The following GFM1 variants were observed in gnomAD, a reference collection of about 807,000 sequenced individuals.
GFM1 encodes G elongation factor mitochondrial 1.
Under a neutral mutation model 96.2 loss-of-function variants are expected in GFM1, and 62 were observed. The observed-to-expected ratio is 0.64, with a 90% confidence interval of 0.53 to 0.80. The LOEUF is 0.80. GFM1 is among the 30% of genes least tolerant of loss of function. The pLI, the probability that GFM1 is intolerant of heterozygous loss-of-function variation, is 0.00. For missense variants in GFM1, 852 were observed against 916.6 expected, an observed-to-expected ratio of 0.93 and a Z score of 0.91; for synonymous variants, 282 against 312.9, an observed-to-expected ratio of 0.90 and a Z score of 1.04.
chr3:158,670,624 A>T (rs1267791498), intron 13 of GFM1, among the ~76,000 whole-genome samples: 2 of 152,236 alleles, frequency 1.3e-5, no homozygotes, highest in East Asian at 1.9e-4. Flanking sequence ...ACAACTTTTT[A>T]AAAAGAGGTA....
At chr3:158,645,859 T>C (rs1371419340) in intron 2 of GFM1, 78 bp downstream of exon 2, 2 of 1,308,252 alleles carry the variant, frequency 1.5e-6, no homozygotes, top group Non-Finnish European at 2.2e-6. Flanking sequence ...ATAAAGCTTA[T>C]AAACCTGAAA....
chr3:158,660,708 G>T, intron 9 of GFM1, 166 bp from the exon 10 acceptor site: 1 of 645,910 alleles, frequency 1.5e-6, no homozygotes, highest in Non-Finnish European at 2.8e-6. Context: ...GTCTTAGCAT[G>T]GTTGATTATT....
chr3:158,687,973 T>C (rs773182199), intron 15 of GFM1, among the ~76,000 whole-genome samples: 1 of 152,122 alleles, frequency 6.6e-6, no homozygotes, highest in Non-Finnish European at 1.5e-5. Context: ...ATTAGAGTTT[T>C]ACAGTGAAAA....
Position 158,684,578 on chromosome 3 carries a change from C to G in GFM1, c.1819C>G (p.Leu607Val). Residue 607 changes from leucine (L) to valine (V), a missense_variant, in exon 15 of 18, where the codon CTC (leucine) becomes GTC (valine). Physicochemically the swap from Leu to Val is conservative, Grantham distance 32 (BLOSUM62 1). Transcript: ENST00000486715. ...TCTTTCTGGTCACAAGCTCTCTGGG[C>G]TCCGGTTTGTCCTGCAAGATGGAGC... ...GPLSGHKLSG[L>V]RFVLQDGAHH... 1.2e-6 allele frequency: 2 copies of G among 1,614,080 alleles called. No individual in the cohort carries two copies. Among genetic ancestry groups the G allele is most frequent in the Non-Finnish European group, 1.7e-6 (2 of 1,179,964 alleles).
At chr3:158,689,301 G>T (rs1271137087) in intron 15 of GFM1, among the ~76,000 whole-genome samples, 1 of 152,120 alleles carries the variant, frequency 6.6e-6, no homozygotes, top group African/African-American at 2.4e-5. Flanking sequence ...TTTTGTAGAT[G>T]AAAAAATTTG....
intron 13 of GFM1, among the ~76,000 whole-genome samples, chr3:158,676,971 A>T (rs1273484060): frequency 6.6e-6 from 1 of 152,190 alleles, no homozygotes; most frequent in East Asian, 1.9e-4. Context: ...AAGTGCTGGG[A>T]TTACAGGCAT....
intron 11 of GFM1, among the ~76,000 whole-genome samples, chr3:158,664,681 T>C (rs994015723): frequency 6.6e-6 from 1 of 152,232 alleles, no homozygotes; most frequent in Middle Eastern, 3.2e-3. Context: ...ACCTAGATAA[T>C]TGATAACAAT....
In GFM1 at chr3:158,693,129, T is replaced by A. The variant is rs1400434142; in HGVS notation, c.*1662T>A. ...ATGAGACCACAAAACCTAAGTTTTT[T>A]AATTGATACTTTAATTACAATTATT... On this transcript the variant is annotated 3_prime_UTR_variant, in exon 18 of 18. Coordinates refer to ENST00000486715, the MANE Select transcript of GFM1 (RefSeq NM_024996.7). The A allele has an allele frequency of 2.6e-5, 4 of 152,228 alleles. No homozygotes were observed. Among genetic ancestry groups the A allele is most frequent in the Admixed American group, 6.5e-5 (1 of 15,282 alleles). The allele number at this position is 152,228 out of a possible 1,614,324, so 9.4% of individuals were successfully genotyped here.
rs1379920295 is a variant in GFM1 at position 158,692,628 on chromosome 3, G to GA, written c.*1166dup. The stretch of plus-strand genomic sequence containing the variant: ...GCTTTATACTTTAAGGTTTCTAGGG[G>GA]AAAAAGATCTTTAAAAAGTATTGAG... On this transcript the variant is annotated 3_prime_UTR_variant, in exon 18 of 18. Coordinates refer to ENST00000486715, the MANE Select transcript of GFM1 (RefSeq NM_024996.7). 2.6e-5 allele frequency: 4 copies of GA among 151,816 alleles called. No individual in the cohort carries two copies. Among genetic ancestry groups the GA allele is most frequent in the African/African-American group, 9.7e-5 (4 of 41,360 alleles). The allele number at this position is 151,816 out of a possible 1,614,324, so 9.4% of individuals were successfully genotyped here. A position where few individuals can be genotyped will look rare whatever the true frequency, so the allele number is the denominator to read the frequency against.
At chr3:158,647,100 T>C (rs1448106483) in intron 4 of GFM1, among the ~76,000 whole-genome samples, 153 bp downstream of exon 4, 1 of 152,218 alleles carries the variant, frequency 6.6e-6, no homozygotes, top group Non-Finnish European at 1.5e-5. Context: ...ACACTGATTT[T>C]AGTAAATTGG....
Position 158,649,070 on chromosome 3 carries a change from T to C in GFM1, c.602T>C (p.Met201Thr). Residue 201 changes from methionine (M) to threonine (T), a missense_variant, in exon 5 of 18, where the codon ATG becomes ACG. Coordinates refer to ENST00000486715, the MANE Select transcript of GFM1 (RefSeq NM_024996.7). ...RSKLNHNAAF[M>T]QIPMGLEGNF... ...AAACTAAATCATAATGCAGCGTTTA[T>C]GCAGATACCCATGGGTTTGGAGGGT... 1 of 1,553,584 alleles carries C rather than the reference T, an allele frequency of 6.4e-7. No homozygotes were observed. Among genetic ancestry groups the C allele is most frequent in the Non-Finnish European group, 8.9e-7 (1 of 1,125,330 alleles).
chr3:158,644,578 A>C lies in GFM1; in HGVS notation c.-57A>C. 7.0e-7 allele frequency: 1 copy of C among 1,430,120 alleles called. No individual in the cohort carries two copies. The highest frequency in any genetic ancestry group is 2.2e-4 in the Middle Eastern group (1 of 4,596). The allele number at this position is 1,430,120 out of a possible 1,614,324, so 88.6% of individuals were successfully genotyped here. A position where few individuals can be genotyped will look rare whatever the true frequency, so the allele number is the denominator to read the frequency against. ...GACTTTGACCGCTTCCCGGTGCGTTACCGGCAGCTGAACCCACCCGGCGCC... is the reference window on the plus strand; with the variant it reads ...GACTTTGACCGCTTCCCGGTGCGTTCCCGGCAGCTGAACCCACCCGGCGCC... On this transcript the variant is annotated 5_prime_UTR_variant, in exon 1 of 18. Transcript: ENST00000486715.
chr3:158,689,733 T>A (rs574580276), intron 15 of GFM1, among the ~76,000 whole-genome samples: 22 of 147,876 alleles, frequency 1.5e-4, no homozygotes, highest in Admixed American at 6.8e-4. Context: ...CCCATTGTAA[T>A]CTAGCTTGGG....
intron 14 of GFM1, among the ~76,000 whole-genome samples, chr3:158,683,700 G>A (rs138638226): frequency 1.8e-4 from 28 of 152,192 alleles, no homozygotes; most frequent in Non-Finnish European, 2.5e-4. Flanking sequence ...TTGCCTTTCC[G>A]CTGCTTCCTC....
chr3:158,649,637 A>G (rs77687909), intron 5 of GFM1: 2,388 of 229,540 alleles, frequency 0.01, 15 homozygotes, highest in Non-Finnish European at 0.013. Context: ...AAATTGTACA[A>G]ATGTGGTTTG....
rs8650 is a variant in GFM1 at position 158,692,158 on chromosome 3, T to A, written c.*691T>A. ...AATTTCTCTCTGTTTTATATATGTCTGTTTATTTCAGTTTGTGGTTTCTGC... is the reference window on the plus strand; with the variant it reads ...AATTTCTCTCTGTTTTATATATGTCAGTTTATTTCAGTTTGTGGTTTCTGC... On this transcript the variant is annotated 3_prime_UTR_variant, in exon 18 of 18. Transcript: ENST00000486715. The A allele has an allele frequency of 0.42, 63,178 of 152,090 alleles. 14,277 individuals carry two copies. The highest frequency in any genetic ancestry group is 0.6 in the African/African-American group (24,894 of 41,426). 9.4% of individuals were successfully genotyped at this position (152,090 alleles called of 1,614,324 possible).
At chr3:158,666,915 A>G (rs751968664) in intron 13 of GFM1, 1 of 1,518,698 alleles carries the variant, frequency 6.6e-7, no homozygotes, top group East Asian at 2.4e-5. Context: ...ATTTACATGA[A>G]TTCTGATTTA....
intron 13 of GFM1, among the ~76,000 whole-genome samples, chr3:158,677,887 A>G (rs926068569): frequency 6.6e-6 from 1 of 152,238 alleles, no homozygotes; most frequent in African/African-American, 2.4e-5. Flanking sequence ...GAGAGAAGTC[A>G]GTGCCTGGCT....
At chr3:158,671,981 G>C (rs934685271) in intron 13 of GFM1, among the ~76,000 whole-genome samples, 3 of 152,188 alleles carry the variant, frequency 2.0e-5, no homozygotes, top group African/African-American at 7.2e-5. Flanking sequence ...GCTTTTGTTG[G>C]TCCAGATCAG....
Sources: gnomAD v4.1 joint callset for allele counts (sites outside exome capture counted in the v4.1 genomes callset) on GRCh38, gnomAD v4.1.1 for gene constraint, MANE v1.5 for transcripts, NCBI Gene and HGNC (gene_info 2026-07-23, HGNC 2026-07-21) for gene names.